HS2ST1: variants seen among roughly 807,000 people sequenced by gnomAD.
HS2ST1 encodes heparan sulfate 2-O-sulfotransferase 1.
HS2ST1 carries 18 observed loss-of-function variants against 42.9 expected under a neutral mutation model. The observed-to-expected ratio is 0.42, with a 90% CI of 0.29 to 0.62. HS2ST1 has a LOEUF of 0.62. Among genes scored for constraint, HS2ST1 ranks in the 20% least tolerant of loss-of-function variants. The pLI is 0.21. For missense variants in HS2ST1, 334 were observed against 433.8 expected (o/e 0.77, Z 2.04); for synonymous variants, 146 against 152.9 (o/e 0.95, Z 0.33).
intron 1 of HS2ST1, among the ~76,000 whole-genome samples, chr1:87,058,631 G>C (rs745961406): frequency 1.3e-5 from 2 of 151,580 alleles, no homozygotes; most frequent in Non-Finnish European, 2.9e-5. Flanking sequence ...TTGGTTAGGA[G>C]TATAAGCTTT....
At chr1:86,929,979 A>C (rs1028087765) in intron 1 of HS2ST1, among the ~76,000 whole-genome samples, 1 of 151,882 alleles carries the variant, frequency 6.6e-6, no homozygotes, top group African/African-American at 2.4e-5. Context: ...CTTGAATCTT[A>C]CACAGCTTCA....
intron 3 of HS2ST1, among the ~76,000 whole-genome samples, chr1:87,090,374 T>TA (rs1206142820): frequency 4.0e-5 from 6 of 151,844 alleles, no homozygotes; most frequent in Admixed American, 6.6e-5. Context: ...GTCCTTCTTT[T>TA]AAAAAAAACT....
intron 1 of HS2ST1, among the ~76,000 whole-genome samples, chr1:87,061,832 T>G (rs2100623725): frequency 6.6e-6 from 1 of 152,258 alleles, no homozygotes; most frequent in Non-Finnish European, 1.5e-5. Flanking sequence ...CATCATGACT[T>G]CACCATGTTA....
chr1:87,016,035 C>G (rs1649747891), intron 1 of HS2ST1, among the ~76,000 whole-genome samples: 1 of 149,926 alleles, frequency 6.7e-6, no homozygotes, highest in Admixed American at 6.6e-5. Context: ...CAGGATGATC[C>G]CGATCTCCTG....
chr1:86,931,038 GTTAC>G (rs1332504908), intron 1 of HS2ST1, among the ~76,000 whole-genome samples: 1 of 151,960 alleles, frequency 6.6e-6, no homozygotes, highest in Non-Finnish European at 1.5e-5. Context: ...AGTTTTAAAA[GTTAC>G]TTAAATAAGA....
chr1:86,914,715 C>T lies in HS2ST1; in HGVS notation c.-322C>T, dbSNP rs1028573769. ...GAAGGAAGAGAGGGAGGCGGGCAAG[C>T]AGGCGGGCGCGGGGGTCGGGGACTG... is the stretch of plus-strand genomic sequence containing the variant. On this transcript the variant is annotated 5_prime_UTR_variant, in exon 1 of 7. Coordinates refer to ENST00000370550, the MANE Select transcript of HS2ST1 (RefSeq NM_012262.4). 3 of 326,290 alleles carry T rather than the reference C, an allele frequency of 9.2e-6. No individual in the cohort carries two copies. The highest frequency in any genetic ancestry group is 1.5e-4 in the East Asian group (2 of 13,672). 20.2% of individuals were successfully genotyped at this position (326,290 alleles called of 1,614,324 possible).
chr1:87,012,371 CAA>C (rs1649625915), intron 1 of HS2ST1, among the ~76,000 whole-genome samples: 1 of 152,096 alleles, frequency 6.6e-6, no homozygotes, highest in African/African-American at 2.4e-5. Context: ...TGGTAGCAAG[CAA>C]GAGAGCTTGT....
Position 87,092,429 on chromosome 1 carries a change from T to C in HS2ST1, c.450-102T>C, listed in dbSNP as rs183088274. ...ATTTAAATTAATTCATGTTCTTTTT[T>C]CCTTATAGGACCAGTACTTCAGACT... On this transcript the variant is annotated intron_variant, in intron 3 of 6. Transcript: ENST00000370550. 33 of 611,786 alleles carry C rather than the reference T, an allele frequency of 5.4e-5. No individual in the cohort carries two copies. The Middle Eastern group carries it at 1.3e-3, about 24-fold the overall frequency. 37.9% of individuals were successfully genotyped at this position (611,786 alleles called of 1,614,324 possible).
At chr1:86,922,034 C>A (rs918580633) in intron 1 of HS2ST1, among the ~76,000 whole-genome samples, 1 of 152,098 alleles carries the variant, frequency 6.6e-6, no homozygotes, top group Admixed American at 6.6e-5. Flanking sequence ...GGTTTAAATT[C>A]GTGAGTTGCT....
rs1174074188 is a variant in HS2ST1 at position 87,107,945 on chromosome 1, A to G, written c.*3249A>G. On this transcript the variant is annotated 3_prime_UTR_variant, in exon 7 of 7. Coordinates refer to ENST00000370550, the MANE Select transcript of HS2ST1 (RefSeq NM_012262.4). ...TTCTGAATTCCTGATGATTGGATTT[A>G]AGCTATTGAAAATTGGATAATTTAA... The G allele has an allele frequency of 6.6e-6, 1 of 152,070 alleles. No individual in the cohort carries two copies. The highest frequency in any genetic ancestry group is 1.5e-5 in the Non-Finnish European group (1 of 67,948). The allele number at this position is 152,070 out of a possible 1,614,324, so 9.4% of individuals were successfully genotyped here. A position where few individuals can be genotyped will look rare whatever the true frequency, so the allele number is the denominator to read the frequency against.
chr1:86,928,608 T>G (rs1660471892), intron 1 of HS2ST1, among the ~76,000 whole-genome samples: 2 of 152,006 alleles, frequency 1.3e-5, no homozygotes, highest in African/African-American at 4.8e-5. Context: ...AAAAACTCAG[T>G]TGTTTCCTCT....
rs190545053 is a variant in HS2ST1 at position 87,040,241 on chromosome 1, G to T, written c.125-32693G>T. Among the ~76,000 whole-genome samples the T allele has an allele frequency of 3.3e-5, 5 of 152,192 alleles. No individual in the cohort carries two copies. In the East Asian group the frequency reaches 5.8e-4, roughly 18 times the overall value. ...TCCTTATTCTGATATAATTGAGCAA[G>T]AATTGAGGACTGAATTTCCATCTCT... is the stretch of plus-strand genomic sequence containing the variant. On this transcript the variant is annotated intron_variant, in intron 1 of 6. Transcript: ENST00000370550.
chr1:86,933,295 A>G (rs1206724564), intron 1 of HS2ST1, among the ~76,000 whole-genome samples: 1 of 152,186 alleles, frequency 6.6e-6, no homozygotes, highest in Non-Finnish European at 1.5e-5. Flanking sequence ...CTCATTATCC[A>G]TAGTTACACC....
At chr1:86,945,413 A>G (rs1024063579) in intron 1 of HS2ST1, among the ~76,000 whole-genome samples, 13 of 152,198 alleles carry the variant, frequency 8.5e-5, no homozygotes, top group Middle Eastern at 3.2e-3. Context: ...TGAAAAATCT[A>G]ATTTAATTAT....
chr1:87,025,897 TACTG>T (rs1440932327), intron 1 of HS2ST1, among the ~76,000 whole-genome samples: 1 of 152,248 alleles, frequency 6.6e-6, no homozygotes, highest in Non-Finnish European at 1.5e-5. Flanking sequence ...TGTTTATTGT[TACTG>T]AGTAAAATTG....
At chr1:87,092,844 T>G (rs1465532350) in intron 4 of HS2ST1, among the ~76,000 whole-genome samples, 175 bp downstream of exon 4, 1 of 152,036 alleles carries the variant, frequency 6.6e-6, no homozygotes, top group Non-Finnish European at 1.5e-5. Flanking sequence ...GCTGATATAT[T>G]GTAATATACA....
intron 1 of HS2ST1, among the ~76,000 whole-genome samples, chr1:87,031,213 T>C (rs1650230001): frequency 6.6e-6 from 1 of 152,128 alleles, no homozygotes; most frequent in Admixed American, 6.6e-5. Flanking sequence ...AGTGCTGGGA[T>C]TTCAGGCATG....
chr1:87,053,791 A>C (rs1248583509), intron 1 of HS2ST1, among the ~76,000 whole-genome samples: 1 of 152,236 alleles, frequency 6.6e-6, no homozygotes, highest in East Asian at 1.9e-4. Context: ...TTGCAGTGAT[A>C]GTGCAGATTT....
chr1:86,978,968 C>T (rs985084723), intron 1 of HS2ST1, among the ~76,000 whole-genome samples: 1 of 147,926 alleles, frequency 6.8e-6, no homozygotes, highest in East Asian at 2.0e-4. Flanking sequence ...CTCAAGCGAT[C>T]CTCCCACCTC....
Sources: gnomAD v4.1 joint callset for allele counts (sites outside exome capture counted in the v4.1 genomes callset) on GRCh38, gnomAD v4.1.1 for gene constraint, MANE v1.5 for transcripts, NCBI Gene and HGNC (gene_info 2026-07-23, HGNC 2026-07-21) for gene names.